ATG5: variants seen among roughly 807,000 people sequenced by gnomAD.
The protein encoded by ATG5 is autophagy related 5.
ATG5 carries 14 observed loss-of-function variants against 36.5 expected under a neutral mutation model. That is an observed-to-expected ratio of 0.38 (90% CI 0.25 to 0.60). ATG5 has a LOEUF of 0.60. Among genes scored for constraint, ATG5 ranks in the 20% least tolerant of loss-of-function variants. The probability of loss-of-function intolerance (pLI) is 0.60; values close to 1 mark genes in which losing one functional copy is unlikely to be tolerated. For synonymous variants in ATG5, 95 were observed against 101.5 expected, an observed-to-expected ratio of 0.94 and a Z score of 0.38; for missense variants, 195 against 326.7, an observed-to-expected ratio of 0.60 and a Z score of 3.11.
At chr6:106,315,350 T>C (rs1472078895) in intron 2 of ATG5, among the ~76,000 whole-genome samples, 3 of 152,164 alleles carry the variant, frequency 2.0e-5, no homozygotes, top group Admixed American at 6.5e-5. Context: ...GTAACGACAA[T>C]TGAGAATATC....
chr6:106,194,443 A>G (rs771930453), intron 7 of ATG5, among the ~76,000 whole-genome samples: 12 of 152,342 alleles, frequency 7.9e-5, no homozygotes, highest in Middle Eastern at 3.4e-3. Context: ...TCTGAAAAAA[A>G]TTTATCTTGT....
At chr6:106,287,766 C>T (rs1259691772) in intron 4 of ATG5, among the ~76,000 whole-genome samples, 5 of 151,952 alleles carry the variant, frequency 3.3e-5, no homozygotes, top group Non-Finnish European at 7.4e-5. Context: ...GCACTGTTCT[C>T]AACATGGACA....
At chr6:106,253,152 T>G (rs554547047) in intron 5 of ATG5, among the ~76,000 whole-genome samples, 13 of 152,172 alleles carry the variant, frequency 8.5e-5, no homozygotes, top group Non-Finnish European at 1.9e-4. Context: ...AAAATAAAAA[T>G]GAACAAGTAG....
At chr6:106,306,879 T>TTCA (rs1445201627) in intron 3 of ATG5, among the ~76,000 whole-genome samples, 1 of 152,196 alleles carries the variant, frequency 6.6e-6, no homozygotes, top group Non-Finnish European at 1.5e-5. Context: ...AAGCATTGCC[T>TTCA]TATCTATGCT....
chr6:106,250,989 G>A lies in ATG5; in HGVS notation c.479-2745C>T, dbSNP rs190058224. Among the ~76,000 whole-genome samples the A allele has an allele frequency of 1.7e-3, 264 of 152,342 alleles. 2 individuals are homozygous for A. The highest frequency in any genetic ancestry group is 6.1e-3 in the African/African-American group (253 of 41,582). ...ACGGTTCTGCCCAATGTCCAGATAC[G>A]CAAGTCTCTCAGCAAGGTGGCAGCA... On this transcript the variant is annotated intron_variant, in intron 5 of 7. Coordinates refer to ENST00000369076, the MANE Select transcript of ATG5 (RefSeq NM_004849.4).
At chr6:106,240,128 G>A (rs1778061724) in intron 6 of ATG5, among the ~76,000 whole-genome samples, 1 of 151,890 alleles carries the variant, frequency 6.6e-6, no homozygotes, top group South Asian at 2.1e-4. Context: ...AAACAGCTGG[G>A]AGAGATGTGT....
At chr6:106,298,673 CATTT>C (rs1287392076) in intron 3 of ATG5, among the ~76,000 whole-genome samples, 1 of 151,910 alleles carries the variant, frequency 6.6e-6, no homozygotes. Flanking sequence ...GTAAGATAAC[CATTT>C]ACTTATTTCT....
intron 6 of ATG5, among the ~76,000 whole-genome samples, chr6:106,222,270 C>G (rs977839744): frequency 6.6e-6 from 1 of 152,160 alleles, no homozygotes; most frequent in Admixed American, 6.5e-5. Context: ...CACAATCTAT[C>G]TTTCAAAATG....
At chr6:106,298,822 TCTA>T (rs1770088457) in intron 3 of ATG5, among the ~76,000 whole-genome samples, 1 of 152,162 alleles carries the variant, frequency 6.6e-6, no homozygotes, top group Non-Finnish European at 1.5e-5. Flanking sequence ...TTCTAATGAA[TCTA>T]CTGATATTCA....
chr6:106,289,671 A>G (rs1418735739), intron 4 of ATG5, among the ~76,000 whole-genome samples: 1 of 152,114 alleles, frequency 6.6e-6, no homozygotes, highest in Non-Finnish European at 1.5e-5. Context: ...AAACATTTAA[A>G]AAAAACATTA....
At chr6:106,312,408 A>C (rs893691086) in intron 2 of ATG5, among the ~76,000 whole-genome samples, 2 of 152,112 alleles carry the variant, frequency 1.3e-5, no homozygotes, top group Admixed American at 1.3e-4. Context: ...AGCTCCTATA[A>C]GACATCTAAG....
chr6:106,314,182 G>A (rs539812360), intron 2 of ATG5, among the ~76,000 whole-genome samples: 1 of 152,220 alleles, frequency 6.6e-6, no homozygotes, highest in East Asian at 1.9e-4. Context: ...AATTTAAACA[G>A]GTCTATAAAG....
chr6:106,310,211 G>A (rs1449507359), intron 2 of ATG5, among the ~76,000 whole-genome samples: 1 of 152,126 alleles, frequency 6.6e-6, no homozygotes, highest in Non-Finnish European at 1.5e-5. Flanking sequence ...AGTCAGAGAT[G>A]CCAATGGTTA....
At chr6:106,253,725 G>A (rs1248644366) in intron 5 of ATG5, among the ~76,000 whole-genome samples, 5 of 152,132 alleles carry the variant, frequency 3.3e-5, no homozygotes, top group Non-Finnish European at 7.4e-5. Context: ...AATCATCAAC[G>A]AGTAAATTTT....
chr6:106,251,674 G>GGAGAA (rs1778589715), intron 5 of ATG5, among the ~76,000 whole-genome samples: 1 of 88,628 alleles, frequency 1.1e-5, no homozygotes, highest in African/African-American at 4.5e-5. Context: ...GGAGGGGGAG[G>GGAGAA]GGGAGAGAAA....
intron 6 of ATG5, among the ~76,000 whole-genome samples, chr6:106,210,790 G>T (rs191318992): frequency 6.6e-6 from 1 of 152,250 alleles, no homozygotes; most frequent in Non-Finnish European, 1.5e-5. Flanking sequence ...ATACCTCATA[G>T]ATTTTTTTGT....
chr6:106,310,805 T>C lies in ATG5; in HGVS notation c.109-2314A>G, dbSNP rs530798933. Among the ~76,000 whole-genome samples the C allele has an allele frequency of 3.9e-5, 6 of 152,306 alleles. No individual in the cohort carries two copies. In the South Asian group the frequency reaches 1.2e-3, roughly 32 times the overall value. ...TTTAAGTGGAACCATATAATATTTG[T>C]CCTTTAGTGCCTGGTTTATTTCACT... On this transcript the variant is annotated intron_variant, in intron 2 of 7. Coordinates refer to ENST00000369076, the MANE Select transcript of ATG5 (RefSeq NM_004849.4).
At chr6:106,215,953 G>A (rs1464792813) in intron 6 of ATG5, among the ~76,000 whole-genome samples, 3 of 152,168 alleles carry the variant, frequency 2.0e-5, no homozygotes, top group East Asian at 3.8e-4. Context: ...AGGATCTGAA[G>A]ACAATTCTCC....
At chr6:106,219,462 A>G (rs1398581212) in intron 6 of ATG5, among the ~76,000 whole-genome samples, 1 of 152,186 alleles carries the variant, frequency 6.6e-6, no homozygotes, top group Non-Finnish European at 1.5e-5. Flanking sequence ...CATGGGTCGA[A>G]AATGTTTTTG....
Sources: gnomAD v4.1 joint callset for allele counts (sites outside exome capture counted in the v4.1 genomes callset) on GRCh38, gnomAD v4.1.1 for gene constraint, MANE v1.5 for transcripts, NCBI Gene and HGNC (gene_info 2026-07-23, HGNC 2026-07-21) for gene names.